Variants in MCM8 observed in about 807,000 individuals in gnomAD.
MCM8 encodes DNA helicase MCM8.
A neutral mutation model predicts 98.9 loss-of-function variants in MCM8; 85 were observed. That is an observed-to-expected ratio of 0.86 (90% CI 0.72 to 1.03). The LOEUF (loss-of-function observed/expected upper bound fraction) is 1.03. Among genes scored for constraint, MCM8 ranks in the 50% least tolerant of loss-of-function variants. The probability of loss-of-function intolerance (pLI) is 0.00; values close to 1 mark genes in which losing one functional copy is unlikely to be tolerated. For synonymous variants in MCM8, 352 were observed against 338.6 expected (o/e 1.04, Z -0.44); for missense variants, 951 against 997.8 (o/e 0.95, Z 0.63).
intron 13 of MCM8, among the ~76,000 whole-genome samples, chr20:5,979,518 ATT>A (rs1257325513): frequency 1.3e-5 from 2 of 152,172 alleles, no homozygotes; most frequent in Non-Finnish European, 2.9e-5. Context: ...TTTCAAATCT[ATT>A]TTCACAGTCT....
At chr20:5,963,551 C>T (rs867833485) in intron 8 of MCM8, among the ~76,000 whole-genome samples, 192 bp downstream of exon 8, 13 of 113,946 alleles carry the variant, frequency 1.1e-4, no homozygotes, top group Admixed American at 5.6e-4. Context: ...TTTTTTGAGA[C>T]GGAGTCTTGC....
chr20:5,969,577 G>A (rs1325452465), intron 10 of MCM8, among the ~76,000 whole-genome samples: 1 of 144,700 alleles, frequency 6.9e-6, no homozygotes, highest in Non-Finnish European at 1.5e-5. Context: ...GAGCAACAGA[G>A]CAAGACTCTG....
At chr20:5,979,990 A>G (rs2089597291) in intron 13 of MCM8, among the ~76,000 whole-genome samples, 1 of 152,098 alleles carries the variant, frequency 6.6e-6, no homozygotes, top group African/African-American at 2.4e-5. Context: ...CTTGGACACC[A>G]CCAGCACACC....
chr20:5,969,290 G>A (rs918428706), intron 10 of MCM8, among the ~76,000 whole-genome samples: 2 of 152,132 alleles, frequency 1.3e-5, no homozygotes, highest in African/African-American at 2.4e-5. Context: ...GAAATGCATT[G>A]TATTATAAAA....
chr20:5,993,506 C>T lies in MCM8; in HGVS notation c.2241C>T (p.Ser747=). 2 of 1,515,342 alleles carry T rather than the reference C, an allele frequency of 1.3e-6. No individual in the cohort carries two copies. Among genetic ancestry groups the T allele is most frequent in the Non-Finnish European group, 8.9e-7 (1 of 1,122,298 alleles). The allele number at this position is 1,515,342 out of a possible 1,614,324, so 93.9% of individuals were successfully genotyped here. ...AATTTTTTCTTCCTTTCTTTTTAAG[C>T]ATGCTAGGAACTTACTCTGATGAAT... is the stretch of plus-strand genomic sequence containing the variant. ...AEDIVEIMKY[S]MLGTYSDEFG... is the part of the protein sequence containing the mutation. The change falls in exon 18 of 19, where the codon AGC becomes AGT. Residue 747 remains serine, a splice_region_variant and synonymous_variant. Transcript: ENST00000610722.
At chr20:5,989,449 G>T (rs1409438940) in intron 17 of MCM8, among the ~76,000 whole-genome samples, 1 of 152,050 alleles carries the variant, frequency 6.6e-6, no homozygotes, top group Non-Finnish European at 1.5e-5. Context: ...CTCAGATGAG[G>T]CTGAGCAGAT....
intron 8 of MCM8, chr20:5,964,716 C>A (rs527658157): frequency 6.6e-6 from 1 of 152,162 alleles, no homozygotes; most frequent in Non-Finnish European, 1.5e-5. Flanking sequence ...GGTTTGAAGT[C>A]GTGCAGGTTA....
chr20:5,966,272 G>A (rs1409287672), intron 8 of MCM8, among the ~76,000 whole-genome samples: 1 of 151,912 alleles, frequency 6.6e-6, no homozygotes, highest in Non-Finnish European at 1.5e-5. Context: ...AGGATCTTTT[G>A]TCTTCAACTC....
intron 6 of MCM8, among the ~76,000 whole-genome samples, chr20:5,957,580 A>G (rs1473009078): frequency 6.6e-6 from 1 of 152,186 alleles, no homozygotes; most frequent in East Asian, 1.9e-4. Context: ...CAAAATTCAA[A>G]ACTTTGAGCC....
chr20:5,982,930 G>A (rs1600295611), intron 13 of MCM8, 40 bp from the exon 14 acceptor site: 1 of 1,554,122 alleles, frequency 6.4e-7, no homozygotes, highest in Admixed American at 2.1e-5. Context: ...CTTGACCAAA[G>A]AAAAAATGTT....
intron 7 of MCM8, among the ~76,000 whole-genome samples, chr20:5,962,380 T>TTTTTG: frequency 1.9e-5 from 1 of 52,010 alleles, no homozygotes; most frequent in Non-Finnish European, 2.8e-5. Context: ...TTTTTTTTTT[T>TTTTTG]TTTTTGAGAC....
Position 5,952,175 on chromosome 20 carries a change from C to A in MCM8, c.148+12C>A. Reference sequence around the variant, plus strand: ...AAAACGTACTTCTGGTAGGTGAGGTCAATGATTGTTCAATTTTTTTCACTT... The same window carrying A: ...AAAACGTACTTCTGGTAGGTGAGGTAAATGATTGTTCAATTTTTTTCACTT... On this transcript the variant is annotated intron_variant, in intron 2 of 18. Transcript: ENST00000610722. 6.2e-7 allele frequency: 1 copy of A among 1,610,990 alleles called. No individual in the cohort carries two copies. The highest frequency in any genetic ancestry group is 1.1e-5 in the South Asian group (1 of 90,616).
intron 13 of MCM8, among the ~76,000 whole-genome samples, chr20:5,979,666 T>C (rs1309199918): frequency 1.3e-5 from 2 of 152,222 alleles, no homozygotes; most frequent in African/African-American, 2.4e-5. Context: ...ATATATCTGC[T>C]ATCTAACCAC....
At chr20:5,958,064 A>G (rs2089033566) in intron 6 of MCM8, among the ~76,000 whole-genome samples, 2 of 152,030 alleles carry the variant, frequency 1.3e-5, no homozygotes, top group East Asian at 1.9e-4. Context: ...AGGAAGATTT[A>G]GTGTTGTTTC....
chr20:5,982,647 G>T (rs2089652056), intron 13 of MCM8, among the ~76,000 whole-genome samples: 1 of 152,174 alleles, frequency 6.6e-6, no homozygotes, highest in Non-Finnish European at 1.5e-5. Flanking sequence ...GTGTGTGTAT[G>T]TAACATCACA....
intron 10 of MCM8, among the ~76,000 whole-genome samples, 183 bp downstream of exon 10, chr20:5,968,208 A>G (rs375955861): frequency 3.6e-4 from 55 of 152,320 alleles, no homozygotes; most frequent in Middle Eastern, 3.4e-3. Context: ...TTAATGGTTG[A>G]AATAAATTAA....
chr20:5,978,147 C>G, intron 13 of MCM8, 130 bp downstream of exon 13: 1 of 974,354 alleles, frequency 1.0e-6, no homozygotes, highest in Admixed American at 2.6e-5. Context: ...TAAGTTGACA[C>G]TGTCAGAAAT....
At chr20:5,982,087 G>T (rs550025219) in intron 13 of MCM8, among the ~76,000 whole-genome samples, 1 of 152,272 alleles carries the variant, frequency 6.6e-6, no homozygotes, top group South Asian at 2.1e-4. Context: ...TTCAAGGATA[G>T]AAGAAAATCT....
intron 13 of MCM8, among the ~76,000 whole-genome samples, chr20:5,979,917 C>T (rs2089595941): frequency 6.6e-6 from 1 of 152,210 alleles, no homozygotes; most frequent in Non-Finnish European, 1.5e-5. Context: ...CCTTTCACCT[C>T]TTTTGCCTCC....
Sources: allele counts gnomAD v4.1 joint callset (sites outside exome capture counted in the v4.1 genomes callset), GRCh38; gene constraint gnomAD v4.1.1; transcripts MANE v1.5; gene names NCBI Gene and HGNC (gene_info 2026-07-23, HGNC 2026-07-21).